The following HOOK3 variants were observed in gnomAD, a reference collection of about 807,000 sequenced individuals.
The protein encoded by HOOK3 is hook microtubule tethering protein 3, also known as protein Hook homolog 3.
In HOOK3, 24 loss-of-function variants were observed where a neutral mutation model predicts 116.3. That is an observed-to-expected ratio of 0.21 (90% CI 0.15 to 0.29). HOOK3 has a LOEUF of 0.29. Among genes scored for constraint, HOOK3 ranks in the 10% least tolerant of loss-of-function variants. The pLI is 1.00. For synonymous variants in HOOK3, 275 were observed against 283.0 expected, an observed-to-expected ratio of 0.97 and a Z score of 0.28; for missense variants, 632 against 830.2, an observed-to-expected ratio of 0.76 and a Z score of 2.93.
intron 5 of HOOK3, among the ~76,000 whole-genome samples, chr8:42,948,101 G>T (rs1035855185): frequency 4.6e-5 from 7 of 152,066 alleles, no homozygotes; most frequent in Non-Finnish European, 8.8e-5. Flanking sequence ...CTTCTCTCTG[G>T]TACCAAAAAA....
chr8:42,918,900 G>A (rs1383256561), intron 2 of HOOK3, among the ~76,000 whole-genome samples: 3 of 152,198 alleles, frequency 2.0e-5, no homozygotes, highest in Admixed American at 6.5e-5. Context: ...AACCGCCATC[G>A]TCATCATGGC....
intron 21 of HOOK3, among the ~76,000 whole-genome samples, chr8:43,016,410 G>A (rs765182280): frequency 1.4e-4 from 22 of 152,236 alleles, no homozygotes; most frequent in Admixed American, 2.6e-4. Context: ...ATGAGCCACC[G>A]CGCCCGGCCA....
In HOOK3 at chr8:42,906,344, T is replaced by G. The variant is rs543280825; in HGVS notation, c.143+86T>G. The G allele has an allele frequency of 6.6e-5, 61 of 927,690 alleles. 1 individual carries two copies. In the South Asian group the frequency reaches 7.1e-4, roughly 11 times the overall value. The allele number at this position is 927,690 out of a possible 1,614,324, so 57.5% of individuals were successfully genotyped here. A position where few individuals can be genotyped will look rare whatever the true frequency, so the allele number is the denominator to read the frequency against. On this transcript the variant is annotated intron_variant, in intron 2 of 21. Coordinates refer to ENST00000307602, the MANE Select transcript of HOOK3 (RefSeq NM_032410.4). ...AACATGGATTAAAAAAGTACTTACA[T>G]GAAACGTGTGTAGAGTAAGAGTTGT...
chr8:42,927,712 C>G (rs749707469), intron 3 of HOOK3, among the ~76,000 whole-genome samples: 15 of 152,208 alleles, frequency 9.9e-5, no homozygotes, highest in Non-Finnish European at 1.8e-4. Context: ...TCAACCAATC[C>G]TCCTACCTCA....
At chr8:42,991,377 C>G (rs571310256) in intron 15 of HOOK3, among the ~76,000 whole-genome samples, 28 of 144,030 alleles carry the variant, frequency 1.9e-4, no homozygotes, top group South Asian at 1.3e-3. Context: ...AGATAGATAG[C>G]TTTGGATAGT....
At chr8:43,006,680 A>C (rs959369954) in intron 17 of HOOK3, among the ~76,000 whole-genome samples, 1 of 152,120 alleles carries the variant, frequency 6.6e-6, no homozygotes, top group Non-Finnish European at 1.5e-5. Flanking sequence ...TATTCTTTTA[A>C]CTGTTATATT....
At chr8:42,964,122 G>A (rs955085990) in intron 8 of HOOK3, among the ~76,000 whole-genome samples, 189 bp from the exon 9 acceptor site, 4 of 152,194 alleles carry the variant, frequency 2.6e-5, no homozygotes, top group Admixed American at 2.0e-4. Context: ...CAAAAGAATG[G>A]CGTGAACCCA....
chr8:42,908,780 A>C (rs2130327694), intron 2 of HOOK3, among the ~76,000 whole-genome samples: 1 of 152,352 alleles, frequency 6.6e-6, no homozygotes, highest in South Asian at 2.1e-4. Flanking sequence ...TTGACCCCAA[A>C]ACAGGCAACA....
rs370377077 is a variant in HOOK3 at position 42,965,012 on chromosome 8, C to G, written c.779+538C>G. Among the ~76,000 whole-genome samples, 7 of 152,322 alleles carry G rather than the reference C, an allele frequency of 4.6e-5. No individual in the cohort carries two copies. In the South Asian group the frequency reaches 1.0e-3, roughly 23 times the overall value. On this transcript the variant is annotated intron_variant, in intron 9 of 21. Coordinates refer to ENST00000307602, the MANE Select transcript of HOOK3 (RefSeq NM_032410.4). ...GCAGAATGCCGCAACTATAGGATAC[C>G]TGAGTGAGAGGGAGTACCCCACACC...
intron 2 of HOOK3, among the ~76,000 whole-genome samples, chr8:42,907,838 A>C (rs1281457531): frequency 1.3e-5 from 2 of 150,602 alleles, no homozygotes; most frequent in Non-Finnish European, 3.0e-5. Context: ...AAAAAAAAAA[A>C]ACAGTAAAAG....
intron 13 of HOOK3, among the ~76,000 whole-genome samples, chr8:42,977,103 C>G (rs922144202): frequency 2.0e-5 from 3 of 152,190 alleles, no homozygotes; most frequent in Non-Finnish European, 2.9e-5. Flanking sequence ...TTCATTTCCT[C>G]ACTTTGCATG....
At chr8:42,941,345 C>T (rs1361509532) in intron 4 of HOOK3, among the ~76,000 whole-genome samples, 3 of 150,590 alleles carry the variant, frequency 2.0e-5, no homozygotes, top group African/African-American at 7.3e-5. Flanking sequence ...GAAACCCCAT[C>T]TCTACTAAAA....
intron 13 of HOOK3, among the ~76,000 whole-genome samples, chr8:42,982,279 AAAAG>A (rs1472986699): frequency 6.6e-6 from 1 of 150,678 alleles, no homozygotes; most frequent in Non-Finnish European, 1.5e-5. Flanking sequence ...AAGAAAAAAA[AAAAG>A]AAAAAAGGTA....
Position 42,974,118 on chromosome 8 carries a change from A to C in HOOK3, c.1245A>C (p.Thr415=). ...SLQKEKDRLR[T]ERDSLKETIE... The stretch of plus-strand genomic sequence containing the variant: ...TTGTGTCTCTCCAGAGGCTGAGAAC[A>C]GAAAGGGATTCTCTGAAGGAAACCA... The change falls in exon 13 of 22, where the codon ACA becomes ACC. Residue 415 remains threonine, a synonymous_variant. Transcript: ENST00000307602. 1 of 1,613,620 alleles carries C rather than the reference A, an allele frequency of 6.2e-7. No individual in the cohort carries two copies. The highest frequency in any genetic ancestry group is 8.5e-7 in the Non-Finnish European group (1 of 1,179,484).
intron 1 of HOOK3, 80 bp from the exon 2 acceptor site, chr8:42,906,087 CAAAAAA>C (rs35347216): frequency 2.5e-4 from 101 of 397,506 alleles, no homozygotes; most frequent in Admixed American, 8.0e-4. Context: ...ACTCCGTCTC[CAAAAAA>C]AAAAAAAAAA....
At chr8:42,940,540 C>G (rs761100803) in intron 4 of HOOK3, among the ~76,000 whole-genome samples, 10 of 151,798 alleles carry the variant, frequency 6.6e-5, no homozygotes, top group African/African-American at 9.7e-5. Flanking sequence ...AGAGGGAGAG[C>G]GAAAATGCTT....
chr8:43,027,494 G>T lies in HOOK3; in HGVS notation c.*8996G>T. 2.3e-6 allele frequency: 1 copy of T among 441,046 alleles called. No homozygotes were observed. The highest frequency in any genetic ancestry group is 4.4e-6 in the Non-Finnish European group (1 of 228,416). 27.3% of individuals were successfully genotyped at this position (441,046 alleles called of 1,614,324 possible). On this transcript the variant is annotated 3_prime_UTR_variant, in exon 22 of 22. Coordinates refer to ENST00000307602, the MANE Select transcript of HOOK3 (RefSeq NM_032410.4). ...ACCTTACCCCCTGTTCTACTGACGTGCTTTGCATGAGAAGCTCATCTAGAA... is the reference window on the plus strand; with the variant it reads ...ACCTTACCCCCTGTTCTACTGACGTTCTTTGCATGAGAAGCTCATCTAGAA...
chr8:43,011,154 G>A (rs570278114), intron 19 of HOOK3, among the ~76,000 whole-genome samples: 3 of 152,010 alleles, frequency 2.0e-5, no homozygotes, highest in South Asian at 2.1e-4. Context: ...CACCACACTC[G>A]GCTAATTTTT....
At chr8:43,004,708 A>G (rs945929738) in intron 17 of HOOK3, among the ~76,000 whole-genome samples, 6 of 151,478 alleles carry the variant, frequency 4.0e-5, no homozygotes, top group African/African-American at 7.3e-5. Context: ...AAAAACTACA[A>G]TGGAGACCAT....
Sources: gnomAD v4.1 joint callset for allele counts (sites outside exome capture counted in the v4.1 genomes callset) on GRCh38, gnomAD v4.1.1 for gene constraint, MANE v1.5 for transcripts, NCBI Gene and HGNC (gene_info 2026-07-23, HGNC 2026-07-21) for gene names.